Variants in DIP2C observed in about 807,000 individuals in gnomAD.
DIP2C encodes disco-interacting protein 2 homolog C.
A neutral mutation model predicts 192.4 loss-of-function variants in DIP2C; 33 were observed. The ratio of observed to expected loss-of-function variants is 0.17; its 90% CI spans 0.13 to 0.23. The LOEUF (loss-of-function observed/expected upper bound fraction) is 0.23. DIP2C is among the 10% of genes least tolerant of loss of function. DIP2C has a pLI of 1.00. For missense variants in DIP2C, 1,537 were observed against 2,110.1 expected (o/e 0.73, Z 5.32); for synonymous variants, 979 against 864.1 (o/e 1.13, Z -2.33).
intron 5 of DIP2C, among the ~76,000 whole-genome samples, chr10:420,665 C>T (rs1966123097): frequency 6.6e-6 from 1 of 152,188 alleles, no homozygotes; most frequent in Non-Finnish European, 1.5e-5. Flanking sequence ...GCCAAATTGG[C>T]TTGACTCTTA....
intron 1 of DIP2C, among the ~76,000 whole-genome samples, chr10:646,511 T>C (rs957477419): frequency 2.0e-5 from 3 of 152,206 alleles, no homozygotes; most frequent in African/African-American, 7.2e-5. Flanking sequence ...GCCTGCAGGA[T>C]CACAGGGCCT....
chr10:364,550 G>C lies in DIP2C; in HGVS notation c.2301C>G (p.Ile767Met), dbSNP rs200183714. ...VFPMTSSGAP[I>M]SEYPFIRTGL... Reference sequence around the variant, plus strand: ...CTGTCCTTATGAATGGGTATTCACTGATCGGAGCCCCGGAGCTTGTCATGG... The same window carrying C: ...CTGTCCTTATGAATGGGTATTCACTCATCGGAGCCCCGGAGCTTGTCATGG... The change falls in exon 20 of 37, where the codon ATC becomes ATG. Residue 767 changes from isoleucine to methionine, a missense_variant. Coordinates refer to ENST00000280886, the MANE Select transcript of DIP2C (RefSeq NM_014974.3). 6.2e-7 allele frequency: 1 copy of C among 1,614,132 alleles called. No individual in the cohort carries two copies. Among genetic ancestry groups the C allele is most frequent in the Non-Finnish European group, 8.5e-7 (1 of 1,180,008 alleles).
intron 29 of DIP2C, among the ~76,000 whole-genome samples, chr10:331,912 A>G (rs1205997487): frequency 6.6e-6 from 1 of 151,212 alleles, no homozygotes. Context: ...AACATTTACC[A>G]TATTAACCAC....
chr10:515,885 C>A (rs1332365215), intron 1 of DIP2C, among the ~76,000 whole-genome samples: 1 of 152,146 alleles, frequency 6.6e-6, no homozygotes, highest in Non-Finnish European at 1.5e-5. Flanking sequence ...CTGCCATCAA[C>A]CCACAGAAAC....
chr10:384,529 C>A lies in DIP2C; in HGVS notation c.1756+17G>T, dbSNP rs182161995. 3 of 1,612,124 alleles carry A rather than the reference C, an allele frequency of 1.9e-6. No individual in the cohort carries two copies. Among genetic ancestry groups the A allele is most frequent in the African/African-American group, 1.3e-5 (1 of 74,878 alleles). Reference sequence around the variant, plus strand: ...CTGGGATTACAGGTGTGAGCCACTGCGCCCGGCGAGACCCACCTTTGTACT... The same window carrying A: ...CTGGGATTACAGGTGTGAGCCACTGAGCCCGGCGAGACCCACCTTTGTACT... On this transcript the variant is annotated intron_variant, in intron 15 of 36. Transcript: ENST00000280886.
intron 18 of DIP2C, among the ~76,000 whole-genome samples, chr10:367,845 G>GA (rs1960461674): frequency 6.6e-6 from 1 of 152,256 alleles, no homozygotes; most frequent in Non-Finnish European, 1.5e-5. Flanking sequence ...GAAAACCCCG[G>GA]AACCCAGGGC....
intron 3 of DIP2C, among the ~76,000 whole-genome samples, chr10:469,349 C>G (rs1023796634): frequency 1.4e-5 from 2 of 141,800 alleles, no homozygotes; most frequent in African/African-American, 5.2e-5. Context: ...CACAGTCTCA[C>G]TCTGTCGCCG....
rs187308567 is a variant in DIP2C, at chr10:680,340, G to A, written c.85+9154C>T. Among the ~76,000 whole-genome samples the A allele has an allele frequency of 4.2e-3, 643 of 152,302 alleles. 18 individuals are homozygous for A. Among genetic ancestry groups the A allele is most frequent in the Admixed American group, 0.038 (579 of 15,298 alleles). On this transcript the variant is annotated intron_variant, in intron 1 of 36. Coordinates refer to ENST00000280886, the MANE Select transcript of DIP2C (RefSeq NM_014974.3). ...ATGAGCCCGGCCTCCTGCAGCACTGGGCCAAGCGAGAGATGCACCTGCCCC... is the reference window on the plus strand; with the variant it reads ...ATGAGCCCGGCCTCCTGCAGCACTGAGCCAAGCGAGAGATGCACCTGCCCC...
chr10:683,670 C>T (rs1002200580), intron 1 of DIP2C, among the ~76,000 whole-genome samples: 5 of 152,072 alleles, frequency 3.3e-5, no homozygotes, highest in Non-Finnish European at 7.3e-5. Context: ...GTCTGAGTAA[C>T]GATGAGAAGA....
At chr10:282,380 G>A (rs1240757143) in intron 35 of DIP2C, among the ~76,000 whole-genome samples, 1 of 152,208 alleles carries the variant, frequency 6.6e-6, no homozygotes, top group Non-Finnish European at 1.5e-5. Flanking sequence ...CAATGCAAAT[G>A]TCATGCCAGG....
chr10:401,869 G>C (rs886804210), intron 9 of DIP2C, among the ~76,000 whole-genome samples: 3 of 151,628 alleles, frequency 2.0e-5, no homozygotes, highest in South Asian at 2.1e-4. Context: ...TTATGGACAA[G>C]TTTGGTACAT....
chr10:511,148 C>T (rs1845986941), intron 1 of DIP2C, among the ~76,000 whole-genome samples: 1 of 152,200 alleles, frequency 6.6e-6, no homozygotes, highest in Admixed American at 6.5e-5. Context: ...CCCCAGTGAA[C>T]ATTCACGCTG....
At chr10:460,168 C>T (rs1416729170) in intron 3 of DIP2C, among the ~76,000 whole-genome samples, 3 of 152,194 alleles carry the variant, frequency 2.0e-5, no homozygotes, top group African/African-American at 4.8e-5. Context: ...CTAGGATCTT[C>T]CTCTCCCAGT....
At chr10:435,097 C>T (rs1368064621) in intron 4 of DIP2C, among the ~76,000 whole-genome samples, 1 of 152,154 alleles carries the variant, frequency 6.6e-6, no homozygotes, top group Non-Finnish European at 1.5e-5. Flanking sequence ...CATTCTTCTC[C>T]TTGTATTACC....
chr10:384,724 C>T (rs936368504), intron 14 of DIP2C, 85 bp from the exon 15 acceptor site: 47 of 1,369,766 alleles, frequency 3.4e-5, no homozygotes, highest in African/African-American at 1.0e-4. Context: ...GACACTAGGC[C>T]GCACGGGCAG....
chr10:486,356 C>T, intron 2 of DIP2C, 103 bp downstream of exon 2: 2 of 1,156,406 alleles, frequency 1.7e-6, no homozygotes, highest in Non-Finnish European at 2.4e-6. Flanking sequence ...ACGCCTCCTC[C>T]TGCCGACTGG....
chr10:478,983 G>T (rs576460755), intron 2 of DIP2C, among the ~76,000 whole-genome samples: 8 of 152,244 alleles, frequency 5.3e-5, no homozygotes, highest in African/African-American at 1.7e-4. Flanking sequence ...AGCGCTCTGG[G>T]CTCCACAGAG....
At chr10:659,096 A>G (rs955244317) in intron 1 of DIP2C, among the ~76,000 whole-genome samples, 2 of 152,244 alleles carry the variant, frequency 1.3e-5, no homozygotes, top group Admixed American at 6.5e-5. Flanking sequence ...ACACATGCAT[A>G]TACATACATG....
At chr10:410,509 T>C (rs552377014) in intron 8 of DIP2C, among the ~76,000 whole-genome samples, 3 of 152,340 alleles carry the variant, frequency 2.0e-5, no homozygotes, top group Admixed American at 6.5e-5. Context: ...ACTGGCTCAT[T>C]AGATATAATT....
Sources: gnomAD v4.1 joint callset for allele counts (sites outside exome capture counted in the v4.1 genomes callset) on GRCh38, gnomAD v4.1.1 for gene constraint, MANE v1.5 for transcripts, NCBI Gene and HGNC (gene_info 2026-07-23, HGNC 2026-07-21) for gene names.